The following FGF14 variants were observed in gnomAD, a reference collection of about 807,000 sequenced individuals.
The protein encoded by FGF14 is fibroblast growth factor homologous factor 4.
FGF14 carries 5 observed loss-of-function variants against 25.5 expected under a neutral mutation model. That is an observed-to-expected ratio of 0.20 (90% CI 0.10 to 0.41). The LOEUF is 0.41. FGF14 is among the 10% of genes least tolerant of loss of function. The pLI is 1.00. For synonymous variants in FGF14, 138 were observed against 118.3 expected (o/e 1.17, Z -1.08); for missense variants, 222 against 320.1 (o/e 0.69, Z 2.34).
chr13:102,181,546 GGAGGA>G (rs1267163198), intron 1 of FGF14, among the ~76,000 whole-genome samples: 1 of 152,204 alleles, frequency 6.6e-6, no homozygotes, highest in Admixed American at 6.5e-5. Flanking sequence ...CAGAGGCACA[GGAGGA>G]GAGGAGGCGT....
chr13:101,983,386 A>C (rs1183795789), intron 1 of FGF14, among the ~76,000 whole-genome samples: 6 of 152,192 alleles, frequency 3.9e-5, no homozygotes, highest in African/African-American at 7.2e-5. Context: ...CCAACACTGT[A>C]CAATTGAAAC....
In FGF14 at chr13:101,784,609, T is replaced by C. The variant is rs562788952; in HGVS notation, c.409-57799A>G. Among the ~76,000 whole-genome samples the C allele has an allele frequency of 2.6e-5, 4 of 152,330 alleles. No individual in the cohort carries two copies. In the South Asian group the frequency reaches 8.3e-4, roughly 32 times the overall value. ...TTAATTGATGTCATTCTGAAGATTA[T>C]TTAACCTTTTCAATGTTTGAATGGT... On this transcript the variant is annotated intron_variant, in intron 3 of 4. Transcript: ENST00000376143.
intron 1 of FGF14, among the ~76,000 whole-genome samples, chr13:102,380,857 T>C (rs2058167730): frequency 6.6e-6 from 1 of 152,156 alleles, no homozygotes; most frequent in Non-Finnish European, 1.5e-5. Context: ...GTCAGAACCA[T>C]TTTTAATCAA....
chr13:101,912,890 C>T (rs564774717), intron 1 of FGF14, among the ~76,000 whole-genome samples: 4 of 152,130 alleles, frequency 2.6e-5, no homozygotes, highest in African/African-American at 9.6e-5. Context: ...ATGAGGAGAA[C>T]CCAGTGTATG....
At chr13:101,736,933 A>G (rs2036227061) in intron 3 of FGF14, among the ~76,000 whole-genome samples, 1 of 150,890 alleles carries the variant, frequency 6.6e-6, no homozygotes, top group Admixed American at 6.7e-5. Context: ...GCTTAACAAC[A>G]GCAATGGCAA....
At chr13:102,170,338 G>GTCC in intron 1 of FGF14, among the ~76,000 whole-genome samples, 1 of 151,986 alleles carries the variant, frequency 6.6e-6, no homozygotes, top group East Asian at 1.9e-4. Context: ...TCTTCTCCCT[G>GTCC]TCCTCCTCCT....
intron 3 of FGF14, among the ~76,000 whole-genome samples, chr13:101,795,234 G>A (rs2040453533): frequency 6.6e-6 from 1 of 152,066 alleles, no homozygotes; most frequent in Admixed American, 6.6e-5. Context: ...TAGAAATAGG[G>A]GACAGGCCAG....
chr13:101,968,673 C>CAAAAA (rs11410391), intron 1 of FGF14, among the ~76,000 whole-genome samples: 1,368 of 79,012 alleles, frequency 0.017, 52 homozygotes, highest in African/African-American at 0.056. Flanking sequence ...ACTCCGTCTC[C>CAAAAA]AAAAAAAAAA....
chr13:101,882,216 G>A lies in FGF14; in HGVS notation c.194-6920C>T, dbSNP rs73563231. Among the ~76,000 whole-genome samples the A allele has an allele frequency of 1.5e-3, 227 of 152,200 alleles. 3 individuals are homozygous for A. The highest frequency in any genetic ancestry group is 5.3e-3 in the African/African-American group (222 of 41,542). On this transcript the variant is annotated intron_variant, in intron 1 of 4. Transcript: ENST00000376143. ...AATTTAAAGAATCTGAAGAAAAACTGCTGCTTGATTCATTCACAGAATTTT... is the reference window on the plus strand; with the variant it reads ...AATTTAAAGAATCTGAAGAAAAACTACTGCTTGATTCATTCACAGAATTTT...
chr13:102,150,407 A>G (rs890129591), intron 1 of FGF14, among the ~76,000 whole-genome samples: 4 of 152,150 alleles, frequency 2.6e-5, no homozygotes, highest in African/African-American at 9.7e-5. Flanking sequence ...TAACAACATA[A>G]ATGTAAATTG....
intron 1 of FGF14, among the ~76,000 whole-genome samples, chr13:102,123,258 C>T (rs2045810903): frequency 6.6e-6 from 1 of 152,044 alleles, no homozygotes; most frequent in African/African-American, 2.4e-5. Context: ...ACAATGTTTC[C>T]TACTAGACTG....
intron 3 of FGF14, among the ~76,000 whole-genome samples, chr13:101,788,872 CTATATATATATA>C (rs56084859): frequency 0.029 from 776 of 26,338 alleles, 21 homozygotes; most frequent in East Asian, 0.05. Flanking sequence ...CCTTTTTTGA[CTATATATATATA>C]TATATATATA....
At chr13:102,389,433 G>A (rs2058380871) in intron 1 of FGF14, among the ~76,000 whole-genome samples, 1 of 152,174 alleles carries the variant, frequency 6.6e-6, no homozygotes, top group Admixed American at 6.5e-5. Flanking sequence ...AGTGCCAAGA[G>A]AAATAGAAAA....
At position 101,788,727 on chromosome 13, in the gene FGF14, A is replaced by G. The variant is rs2039998267; in HGVS notation, c.409-61917T>C. Among the ~76,000 whole-genome samples, 3 of 151,596 alleles carry G rather than the reference A, an allele frequency of 2.0e-5. No individual in the cohort carries two copies. The South Asian group carries it at 6.3e-4, about 32-fold the overall frequency. The stretch of plus-strand genomic sequence containing the variant: ...TTCTCTAGTTTGTGTTTGTGATATT[A>G]ACCAGAAGAATTTTCTTTTCAGTTC... On this transcript the variant is annotated intron_variant, in intron 3 of 4. Transcript: ENST00000376143.
At chr13:101,830,821 T>C (rs983724264) in intron 3 of FGF14, among the ~76,000 whole-genome samples, 4 of 152,062 alleles carry the variant, frequency 2.6e-5, no homozygotes, top group African/African-American at 9.7e-5. Flanking sequence ...TTGGTGGCTC[T>C]AGGGAGAGAA....
chr13:102,060,153 T>C (rs555137565), intron 1 of FGF14, among the ~76,000 whole-genome samples: 1 of 143,336 alleles, frequency 7.0e-6, no homozygotes, highest in African/African-American at 2.8e-5. Flanking sequence ...ATGATGCAAA[T>C]ATTCAAAAAA....
intron 3 of FGF14, among the ~76,000 whole-genome samples, chr13:101,824,468 G>GA (rs1353855903): frequency 6.6e-6 from 1 of 152,126 alleles, no homozygotes; most frequent in Non-Finnish European, 1.5e-5. Context: ...TTCTTGAGAT[G>GA]ATGTCTCTAT....
At chr13:101,840,300 T>G (rs1478541557) in intron 3 of FGF14, among the ~76,000 whole-genome samples, 1 of 151,970 alleles carries the variant, frequency 6.6e-6, no homozygotes, top group African/African-American at 2.4e-5. Flanking sequence ...TATTTGTTAT[T>G]TCCCCCCATT....
intron 1 of FGF14, among the ~76,000 whole-genome samples, chr13:102,322,924 A>G (rs1283430514): frequency 2.0e-5 from 3 of 152,128 alleles, no homozygotes; most frequent in Non-Finnish European, 4.4e-5. Context: ...AAACAAAACA[A>G]AGTATAAGCT....
Sources: allele counts gnomAD v4.1 joint callset (sites outside exome capture counted in the v4.1 genomes callset), GRCh38; gene constraint gnomAD v4.1.1; transcripts MANE v1.5; gene names NCBI Gene and HGNC (gene_info 2026-07-23, HGNC 2026-07-21).